The following BABAM2 variants were observed in gnomAD, a reference collection of about 807,000 sequenced individuals.
The protein encoded by BABAM2 is BRISC and BRCA1-A complex member 2.
In BABAM2, 31 loss-of-function variants were observed where a neutral mutation model predicts 54.7. The observed-to-expected ratio is 0.57, with a 90% CI of 0.43 to 0.77. The LOEUF (loss-of-function observed/expected upper bound fraction) is 0.77. Among genes scored for constraint, BABAM2 ranks in the 30% least tolerant of loss-of-function variants. The pLI, the probability that BABAM2 is intolerant of heterozygous loss-of-function variation, is 0.00. For synonymous variants in BABAM2, 167 were observed against 162.9 expected, an observed-to-expected ratio of 1.03 and a Z score of -0.19; for missense variants, 364 against 455.8, an observed-to-expected ratio of 0.80 and a Z score of 1.83.
chr2:28,229,802 G>T (rs1219203464), intron 7 of BABAM2, among the ~76,000 whole-genome samples: 1 of 152,080 alleles, frequency 6.6e-6, no homozygotes, highest in African/African-American at 2.4e-5. Context: ...GACCAGGCTG[G>T]TCTCAAACTC....
At chr2:28,198,726 A>G (rs1677913507) in intron 7 of BABAM2, among the ~76,000 whole-genome samples, 1 of 152,164 alleles carries the variant, frequency 6.6e-6, no homozygotes, top group East Asian at 1.9e-4. Context: ...TTTTTCACTA[A>G]TATCAGTGTT....
chr2:28,334,463 C>G (rs1170387510), intron 11 of BABAM2, among the ~76,000 whole-genome samples: 1 of 152,268 alleles, frequency 6.6e-6, no homozygotes, highest in East Asian at 1.9e-4. Context: ...CAGCCTCTCC[C>G]CTTGATGTTC....
rs767430316 is a variant in BABAM2, at chr2:27,894,566, G to C, written c.10G>C (p.Glu4Gln). 3.7e-6 allele frequency: 6 copies of C among 1,614,060 alleles called. No individual in the cohort carries two copies. The South Asian group carries it at 6.6e-5, about 18-fold the overall frequency. Residue 4 changes from glutamate to glutamine, a missense_variant, in exon 2 of 12, where the codon GAA becomes CAA. Glu to Gln is a conservative substitution (Grantham distance 29, BLOSUM62 2). Transcript: ENST00000379624. Reference protein sequence around the residue: MSPEVALNRISPML... With the variant: MSPQVALNRISPML... ...TACAAGTCAAGTTAAAATGTCCCCA[G>C]AAGTGGCCTTGAACCGAATATCTCC...
chr2:27,946,963 C>T (rs1669344836), intron 3 of BABAM2, among the ~76,000 whole-genome samples: 1 of 152,030 alleles, frequency 6.6e-6, no homozygotes, highest in Admixed American at 6.5e-5. Context: ...GACATTGGTA[C>T]ATTGTGTCTT....
intron 3 of BABAM2, among the ~76,000 whole-genome samples, chr2:27,961,722 C>CTTTTTTTTTT (rs5830058): frequency 1.0e-5 from 1 of 99,090 alleles, no homozygotes; most frequent in Non-Finnish European, 2.0e-5. Flanking sequence ...CCTTAATTAT[C>CTTTTTTTTTT]TTTTTTTTTT....
chr2:28,327,128 G>A (rs773668540), intron 11 of BABAM2: 37 of 782,872 alleles, frequency 4.7e-5, no homozygotes, highest in Non-Finnish European at 6.6e-5. Context: ...GTGTAGATGC[G>A]TGCATACATC....
chr2:28,273,499 A>G (rs1422562893), intron 10 of BABAM2, among the ~76,000 whole-genome samples: 6 of 152,210 alleles, frequency 3.9e-5, no homozygotes, highest in Non-Finnish European at 7.3e-5. Flanking sequence ...TGGGAGGATC[A>G]CTTGAGGTCA....
intron 4 of BABAM2, chr2:28,016,493 T>C: frequency 9.5e-7 from 1 of 1,051,034 alleles, no homozygotes; most frequent in Non-Finnish European, 1.5e-6. Context: ...GGTGCTGGGC[T>C]GAGCACACAG....
At chr2:27,937,937 C>G (rs566049739) in intron 3 of BABAM2, among the ~76,000 whole-genome samples, 3 of 152,082 alleles carry the variant, frequency 2.0e-5, no homozygotes, top group African/African-American at 7.2e-5. Context: ...TCATAGTTTC[C>G]GATCTTACGT....
chr2:28,122,900 C>T (rs192861422), intron 6 of BABAM2, among the ~76,000 whole-genome samples: 270 of 152,014 alleles, frequency 1.8e-3, no homozygotes, highest in African/African-American at 6.1e-3. Flanking sequence ...GTATCCTTGG[C>T]GATACATAGT....
chr2:27,949,660 G>A (rs1374228017), intron 3 of BABAM2, among the ~76,000 whole-genome samples: 1 of 152,184 alleles, frequency 6.6e-6, no homozygotes, highest in Non-Finnish European at 1.5e-5. Context: ...GGAAGAAGAA[G>A]ATGTGATTTA....
intron 11 of BABAM2, among the ~76,000 whole-genome samples, chr2:28,312,513 A>G (rs1240089730): frequency 6.6e-6 from 1 of 152,232 alleles, no homozygotes; most frequent in Admixed American, 6.5e-5. Flanking sequence ...GAGGCTATCT[A>G]TGGCATTAAC....
At chr2:27,991,090 A>G (rs539222606) in intron 4 of BABAM2, among the ~76,000 whole-genome samples, 7 of 152,290 alleles carry the variant, frequency 4.6e-5, no homozygotes, top group African/African-American at 1.4e-4. Flanking sequence ...TTGAGCTAGG[A>G]CATTAATGGT....
At chr2:27,947,784 T>C (rs1669409171) in intron 3 of BABAM2, among the ~76,000 whole-genome samples, 1 of 152,232 alleles carries the variant, frequency 6.6e-6, no homozygotes, top group South Asian at 2.1e-4. Context: ...TATTTTTGTA[T>C]ACGATACAGG....
At chr2:27,910,636 A>C (rs1431386867) in intron 2 of BABAM2, among the ~76,000 whole-genome samples, 1 of 152,126 alleles carries the variant, frequency 6.6e-6, no homozygotes, top group Non-Finnish European at 1.5e-5. Flanking sequence ...ATAGGTTAAT[A>C]TACTTTTAAA....
chr2:27,931,581 G>T (rs961607273), intron 3 of BABAM2, among the ~76,000 whole-genome samples: 3 of 151,860 alleles, frequency 2.0e-5, no homozygotes, highest in Admixed American at 2.0e-4. Context: ...TGGTTCCTGT[G>T]TTGGTTACCC....
chr2:28,201,425 G>A (rs983272893), intron 7 of BABAM2, among the ~76,000 whole-genome samples: 4 of 151,862 alleles, frequency 2.6e-5, no homozygotes, highest in Admixed American at 2.0e-4. Flanking sequence ...TTTATATATG[G>A]ATCTTCAAGT....
At chr2:28,078,014 A>G (rs1483628097) in intron 6 of BABAM2, among the ~76,000 whole-genome samples, 1 of 152,112 alleles carries the variant, frequency 6.6e-6, no homozygotes, top group Admixed American at 6.5e-5. Context: ...CTATTGTACA[A>G]AGAAATTAAA....
intron 3 of BABAM2, among the ~76,000 whole-genome samples, chr2:27,969,205 TG>T: frequency 6.6e-6 from 1 of 152,284 alleles, no homozygotes; most frequent in Admixed American, 6.5e-5. Context: ...CTGCCATGAT[TG>T]TGAGGCTTCC....
Sources: allele counts gnomAD v4.1 joint callset (sites outside exome capture counted in the v4.1 genomes callset), GRCh38; gene constraint gnomAD v4.1.1; transcripts MANE v1.5; gene names NCBI Gene and HGNC (gene_info 2026-07-23, HGNC 2026-07-21).